The following KIF23 variants were observed in gnomAD, a reference collection of about 807,000 sequenced individuals.
KIF23 encodes kinesin-like protein KIF23.
KIF23 carries 30 observed loss-of-function variants against 137.5 expected under a neutral mutation model. That is an observed-to-expected ratio of 0.22 (90% CI 0.16 to 0.30). The LOEUF is 0.30. KIF23 is among the 10% of genes least tolerant of loss of function. The probability of loss-of-function intolerance (pLI) is 1.00; values close to 1 mark genes in which losing one functional copy is unlikely to be tolerated. For synonymous variants in KIF23, 367 were observed against 391.1 expected (o/e 0.94, Z 0.73); for missense variants, 920 against 1,194.3 (o/e 0.77, Z 3.38).
chr15:69,438,196 ATTGT>A (rs2057527962), intron 15 of KIF23, 48 bp from the exon 16 acceptor site: 8 of 1,487,748 alleles, frequency 5.4e-6, no homozygotes, highest in Middle Eastern at 4.8e-4. Context: ...AGTTGATATC[ATTGT>A]TTGTTTTAGA....
At position 69,426,318 on chromosome 15, in the gene KIF23, A is replaced by T. The variant is rs1354318645; in HGVS notation, c.890-18A>T. On this transcript the variant is annotated intron_variant, in intron 9 of 23. Transcript: ENST00000679126. ...TGACTGAGTTCAGGTTTGACCAATG[A>T]TTTCTCTGTTGTCCTAGGCCAGAAA... The T allele has an allele frequency of 7.4e-6, 12 of 1,612,916 alleles. No individual in the cohort carries two copies. In the African/African-American group the frequency reaches 1.1e-4, roughly 14 times the overall value.
At chr15:69,416,345 A>T (rs985676880) in intron 2 of KIF23, among the ~76,000 whole-genome samples, 2 of 152,158 alleles carry the variant, frequency 1.3e-5, no homozygotes, top group Admixed American at 1.3e-4. Flanking sequence ...AAAATCTCCA[A>T]CTGGGTTCAT....
Position 69,448,100 on chromosome 15 carries a change from A to G in KIF23, c.*293A>G, listed in dbSNP as rs1359017583. ...TTTTTATAATGTTTTTTTAAAATAT[A>G]TTTCATGTATACTTATAAACTAATT... is the stretch of plus-strand genomic sequence containing the variant. On this transcript the variant is annotated 3_prime_UTR_variant, in exon 24 of 24. Transcript: ENST00000679126. 1 of 224,074 alleles carries G rather than the reference A, an allele frequency of 4.5e-6. No individual in the cohort carries two copies. Among genetic ancestry groups the G allele is most frequent in the Non-Finnish European group, 8.7e-6 (1 of 115,114 alleles). 13.9% of individuals were successfully genotyped at this position (224,074 alleles called of 1,614,324 possible).
At chr15:69,426,248 T>C in intron 9 of KIF23, 66 bp downstream of exon 9, 1 of 1,597,074 alleles carries the variant, frequency 6.3e-7, no homozygotes, top group East Asian at 2.2e-5. Flanking sequence ...CTACTAAGTT[T>C]GATGGCAATT....
intron 19 of KIF23, among the ~76,000 whole-genome samples, chr15:69,442,700 GC>G (rs1225722186): frequency 6.6e-6 from 1 of 152,156 alleles, no homozygotes; most frequent in Non-Finnish European, 1.5e-5. Context: ...AAGTTTATAG[GC>G]TGAAAACTAT....
In KIF23 at chr15:69,435,695, A is replaced by G. The variant is rs760343837; in HGVS notation, c.1238A>G (p.Asn413Ser). The change falls in exon 13 of 24, where the codon AAC becomes AGC. Residue 413 changes from asparagine (N) to serine (S), a missense_variant. Asn to Ser is a conservative substitution (Grantham distance 46, BLOSUM62 1). This residue lies in a region of KIF23 where 714 missense variants were observed against 866.2 expected (regional missense o/e 0.82). Transcript: ENST00000679126. ...TCAAAGTTAACCCATCTGTTCAAGAACTACTTTGATGGGGAAGGAAAAGTG... is the reference window on the plus strand; with the variant it reads ...TCAAAGTTAACCCATCTGTTCAAGAGCTACTTTGATGGGGAAGGAAAAGTG... ...RDSKLTHLFK[N>S]YFDGEGKVRM... is the part of the protein sequence containing the mutation. The G allele has an allele frequency of 3.1e-6, 5 of 1,614,186 alleles. No individual in the cohort carries two copies. The South Asian group carries it at 5.5e-5, about 18-fold the overall frequency.
chr15:69,432,644 A>C lies in KIF23; in HGVS notation c.1115-2839A>C, dbSNP rs2057383384. Among the ~76,000 whole-genome samples, 4 of 152,234 alleles carry C rather than the reference A, an allele frequency of 2.6e-5. No homozygotes were observed. The South Asian group carries it at 8.3e-4, about 32-fold the overall frequency. On this transcript the variant is annotated intron_variant, in intron 11 of 23. Transcript: ENST00000679126. The stretch of plus-strand genomic sequence containing the variant: ...GAAGCCTATGGACCCTTCCTGGTAT[A>C]GTATTTCTGAAGGTATAACACAGAG...
Position 69,414,489 on chromosome 15 carries a change from C to T in KIF23, c.11+13C>T, listed in dbSNP as rs747077753. The T allele has an allele frequency of 5.7e-6, 9 of 1,577,556 alleles. No individual in the cohort carries two copies. The Middle Eastern group carries it at 7.4e-4, about 130-fold the overall frequency. On this transcript the variant is annotated intron_variant, in intron 1 of 23. Coordinates refer to ENST00000679126, the MANE Select transcript of KIF23 (RefSeq NM_001367805.3). ...CCATGAAGTCAGCGTGAGTACGAGG[C>T]CGCCGAGCAGGGAGAGAGGGCGGAC...
intron 2 of KIF23, among the ~76,000 whole-genome samples, chr15:69,416,944 T>C (rs2056928587): frequency 1.4e-5 from 1 of 71,934 alleles, no homozygotes; most frequent in Admixed American, 2.0e-4. Flanking sequence ...AGAGAAACTC[T>C]GTCTCTAAAT....
At chr15:69,443,168 T>A (rs536827986) in intron 19 of KIF23, among the ~76,000 whole-genome samples, 1 of 152,282 alleles carries the variant, frequency 6.6e-6, no homozygotes, top group Non-Finnish European at 1.5e-5. Context: ...GTCTTAGAGC[T>A]GTCACTAGTG....
intron 11 of KIF23, among the ~76,000 whole-genome samples, chr15:69,430,015 A>AAC (rs2057314999): frequency 1.3e-5 from 2 of 150,986 alleles, no homozygotes; most frequent in African/African-American, 4.9e-5. Flanking sequence ...CCTGTCTCAA[A>AAC]AACAACAACA....
In KIF23 at chr15:69,429,094, C is replaced by T. The variant is rs376096745; in HGVS notation, c.1012-17C>T. The T allele has an allele frequency of 1.4e-4, 220 of 1,552,100 alleles. 1 individual carries two copies. The highest frequency in any genetic ancestry group is 1.8e-4 in the Non-Finnish European group (202 of 1,130,260). ...GTTATAACCCATTTTAAGTTATTGG[C>T]TTTGTGATCTTTTTAGGAAAAAGAA... On this transcript the variant is annotated splice_polypyrimidine_tract_variant and intron_variant, in intron 10 of 23. Transcript: ENST00000679126.
At chr15:69,425,695 CTT>C (rs2057172243) in intron 8 of KIF23, among the ~76,000 whole-genome samples, 1 of 152,136 alleles carries the variant, frequency 6.6e-6, no homozygotes, top group African/African-American at 2.4e-5. Context: ...ATCTGCTAGT[CTT>C]TTCAAATTAG....
chr15:69,436,746 A>C, intron 15 of KIF23, 24 bp downstream of exon 15: 4 of 1,391,548 alleles, frequency 2.9e-6, no homozygotes, highest in South Asian at 1.6e-5. Flanking sequence ...TATTTGAAAT[A>C]ATTTTATTTA....
At chr15:69,415,244 T>G (rs1372743501) in intron 1 of KIF23, among the ~76,000 whole-genome samples, 2 of 152,180 alleles carry the variant, frequency 1.3e-5, no homozygotes, top group Non-Finnish European at 2.9e-5. Context: ...ATAAGAAATA[T>G]ACGTTGAGTT....
intron 15 of KIF23, among the ~76,000 whole-genome samples, chr15:69,437,313 G>T (rs1403391340): frequency 6.6e-6 from 1 of 152,036 alleles, no homozygotes; most frequent in East Asian, 1.9e-4. Flanking sequence ...ATATTTTTTA[G>T]TTTCCCCTGT....
rs2057115771 is a variant in KIF23 at position 69,423,574 on chromosome 15, CTTGGAGATTACTT to C, written c.734+249_734+261del. ...GGAGAAGAGGGACCCAAATATTCAT[CTTGGAGATTACTT>C]TTGAAAACTCTGGGCCCTGGGCTAT... On this transcript the variant is annotated intron_variant, in intron 7 of 23. Transcript: ENST00000679126. 3.3e-5 allele frequency among the ~76,000 whole-genome samples: 5 copies of C among 152,242 alleles called. No homozygotes were observed. The South Asian group carries it at 1.0e-3, about 32-fold the overall frequency.
At chr15:69,427,386 A>G (rs1268498657) in intron 10 of KIF23, 1 of 456,004 alleles carries the variant, frequency 2.2e-6, no homozygotes, top group South Asian at 1.5e-5. Context: ...GAAGCTGGAT[A>G]TCGAATCTTA....
rs561892169 is a variant in KIF23, at chr15:69,445,111, A to G, written c.2673+70A>G. 24 of 1,410,088 alleles carry G rather than the reference A, an allele frequency of 1.7e-5. No homozygotes were observed. In the East Asian group the frequency reaches 5.4e-4, roughly 32 times the overall value. The allele number at this position is 1,410,088 out of a possible 1,614,324, so 87.3% of individuals were successfully genotyped here. A position where few individuals can be genotyped will look rare whatever the true frequency, so the allele number is the denominator to read the frequency against. On this transcript the variant is annotated intron_variant, in intron 20 of 23. Transcript: ENST00000679126. ...TCAACAAAAGTCCATTTGTCCTGCT[A>G]CTCCTTTGGTGACACACAGGTAGTG... is the stretch of plus-strand genomic sequence containing the variant.
Sources: gnomAD v4.1 joint callset for allele counts (sites outside exome capture counted in the v4.1 genomes callset) on GRCh38, gnomAD v4.1.1 for gene constraint, gnomAD v4.1.1 regional missense constraint, MANE v1.5 for transcripts, NCBI Gene and HGNC (gene_info 2026-07-23, HGNC 2026-07-21) for gene names.